SYNE1: variants seen among roughly 807,000 people sequenced by gnomAD.
SYNE1 encodes spectrin repeat containing nuclear envelope protein 1, also known as nesprin-1.
Under a neutral mutation model 1,111.0 loss-of-function variants are expected in SYNE1, and 616 were observed. The ratio of observed to expected loss-of-function variants is 0.55; its 90% CI spans 0.52 to 0.59. The LOEUF (loss-of-function observed/expected upper bound fraction) is 0.59. SYNE1 is among the 20% of genes least tolerant of loss of function. The pLI is 0.00. For missense variants in SYNE1, 10,006 were observed against 10,417.0 expected, an observed-to-expected ratio of 0.96 and a Z score of 1.72; for synonymous variants, 3,855 against 3,825.8, an observed-to-expected ratio of 1.01 and a Z score of -0.28.
At chr6:152,160,444 G>A (rs1388432274) in intron 131 of SYNE1, among the ~76,000 whole-genome samples, 1 of 152,160 alleles carries the variant, frequency 6.6e-6, no homozygotes, top group Non-Finnish European at 1.5e-5. Flanking sequence ...TGGCTTGGCT[G>A]CAGTACAGCT....
chr6:152,372,983 A>G (rs2097214370), intron 59 of SYNE1, 54 bp downstream of exon 59: 1 of 1,591,780 alleles, frequency 6.3e-7, no homozygotes, highest in East Asian at 2.2e-5. Context: ...TTCACTAACA[A>G]CAACAACAAT....
At position 152,247,756 on chromosome 6, in the gene SYNE1, C is replaced by T. The variant is rs941244746; in HGVS notation, c.19572+1405G>A. On this transcript the variant is annotated intron_variant, in intron 105 of 145. Coordinates refer to ENST00000367255, the MANE Select transcript of SYNE1 (RefSeq NM_182961.4). ...ATATATATATATATATATATACACACACACACACACACACACACACACACA... is the reference window on the plus strand; with the variant it reads ...ATATATATATATATATATATACACATACACACACACACACACACACACACA... Among the ~76,000 whole-genome samples, 680 of 131,352 alleles carry T rather than the reference C, an allele frequency of 5.2e-3. 4 individuals carry two copies. Among genetic ancestry groups the T allele is most frequent in the African/African-American group, 0.016 (483 of 29,908 alleles). The allele number at this position is 131,352 out of a possible 152,430, so 86.2% of individuals were successfully genotyped here. A position where few individuals can be genotyped will look rare whatever the true frequency, so the allele number is the denominator to read the frequency against.
chr6:152,496,452 C>T (rs2098999846), intron 11 of SYNE1, among the ~76,000 whole-genome samples: 1 of 152,124 alleles, frequency 6.6e-6, no homozygotes, highest in African/African-American at 2.4e-5. Context: ...TCCTTTATTA[C>T]CTCTTTTTCT....
At chr6:152,550,186 C>T (rs1334417279) in intron 3 of SYNE1, among the ~76,000 whole-genome samples, 9 of 151,998 alleles carry the variant, frequency 5.9e-5, no homozygotes, top group Non-Finnish European at 1.0e-4. Context: ...AGAAATTACA[C>T]GATTTTTCCA....
intron 3 of SYNE1, among the ~76,000 whole-genome samples, chr6:152,543,026 TTAAA>T (rs2099279274): frequency 6.6e-6 from 1 of 152,100 alleles, no homozygotes; most frequent in Non-Finnish European, 1.5e-5. Context: ...TGTCATAAAA[TTAAA>T]TATATAATCT....
chr6:152,141,105 A>G (rs2058446308), intron 139 of SYNE1, 98 bp downstream of exon 139: 1 of 1,531,844 alleles, frequency 6.5e-7, no homozygotes, highest in African/African-American at 1.4e-5. Flanking sequence ...AGAACGGTGT[A>G]GAAGAAGGCC....
intron 8 of SYNE1, among the ~76,000 whole-genome samples, chr6:152,506,242 A>C (rs773565242): frequency 6.6e-6 from 1 of 152,180 alleles, no homozygotes; most frequent in Non-Finnish European, 1.5e-5. Flanking sequence ...ATCAATTATA[A>C]AGGCAGTTCC....
At chr6:152,461,210 T>A (rs1167303881) in intron 21 of SYNE1, among the ~76,000 whole-genome samples, 1 of 152,092 alleles carries the variant, frequency 6.6e-6, no homozygotes, top group Non-Finnish European at 1.5e-5. Context: ...CACAAATAAG[T>A]TTGGAGTGGA....
chr6:152,465,689 T>A (rs2098760453), intron 17 of SYNE1, among the ~76,000 whole-genome samples: 2 of 152,096 alleles, frequency 1.3e-5, no homozygotes, highest in South Asian at 4.1e-4. Flanking sequence ...CCTTAACGTA[T>A]TCTATGCTTT....
chr6:152,131,032 C>G (rs1407503995), intron 144 of SYNE1, among the ~76,000 whole-genome samples: 1 of 152,138 alleles, frequency 6.6e-6, no homozygotes, highest in African/African-American at 2.4e-5. Flanking sequence ...GCATAATTCT[C>G]ATGGCTTTTC....
intron 14 of SYNE1, among the ~76,000 whole-genome samples, chr6:152,475,796 T>A (rs1463720546): frequency 6.6e-6 from 1 of 152,230 alleles, no homozygotes; most frequent in African/African-American, 2.4e-5. Context: ...GCTGCAGGAA[T>A]GGTCTTTATA....
At chr6:152,629,477 A>T (rs1232882777) in intron 2 of SYNE1, among the ~76,000 whole-genome samples, 1 of 116,154 alleles carries the variant, frequency 8.6e-6, no homozygotes, top group African/African-American at 3.3e-5. Context: ...AACTGTTGGG[A>T]TTACAGGTGT....
chr6:152,356,724 C>G (rs1476384050), intron 66 of SYNE1, among the ~76,000 whole-genome samples: 1 of 152,102 alleles, frequency 6.6e-6, no homozygotes, highest in African/African-American at 2.4e-5. Flanking sequence ...TTCTCCACCA[C>G]TGCTTCCTGC....
chr6:152,531,058 G>T (rs769950793), intron 4 of SYNE1, among the ~76,000 whole-genome samples: 13 of 151,914 alleles, frequency 8.6e-5, no homozygotes, highest in Admixed American at 1.3e-4. Context: ...AACTGCCTCG[G>T]TATCACAGTG....
chr6:152,587,301 T>C (rs1015718126), intron 3 of SYNE1, among the ~76,000 whole-genome samples: 2 of 152,180 alleles, frequency 1.3e-5, no homozygotes, highest in African/African-American at 4.8e-5. Flanking sequence ...CATCCTTCCT[T>C]ATCATCTTTT....
chr6:152,494,196 C>T (rs1040591285), intron 11 of SYNE1, among the ~76,000 whole-genome samples: 1 of 152,144 alleles, frequency 6.6e-6, no homozygotes, highest in Non-Finnish European at 1.5e-5. Flanking sequence ...CTCTACAGTT[C>T]CCATAACTTT....
intron 105 of SYNE1, among the ~76,000 whole-genome samples, chr6:152,247,381 T>C (rs2087498857): frequency 6.6e-6 from 1 of 152,194 alleles, no homozygotes; most frequent in Non-Finnish European, 1.5e-5. Context: ...GGTCAAAAAT[T>C]AGTAAAAATT....
intron 3 of SYNE1, among the ~76,000 whole-genome samples, chr6:152,619,843 C>T (rs1486153418): frequency 1.3e-5 from 2 of 151,992 alleles, no homozygotes; most frequent in African/African-American, 4.8e-5. Flanking sequence ...TGAGGGAGGG[C>T]CTGAAAGAAG....
intron 108 of SYNE1, among the ~76,000 whole-genome samples, chr6:152,237,219 GT>G (rs1381594806): frequency 1.3e-5 from 2 of 151,234 alleles, no homozygotes; most frequent in African/African-American, 4.9e-5. Context: ...TTTTCCATAC[GT>G]TACAATGGGG....
Sources: gnomAD v4.1 joint callset for allele counts (sites outside exome capture counted in the v4.1 genomes callset) on GRCh38, gnomAD v4.1.1 for gene constraint, MANE v1.5 for transcripts, NCBI Gene and HGNC (gene_info 2026-07-23, HGNC 2026-07-21) for gene names.